Variants in ALB observed in about 807,000 individuals in gnomAD.
ALB encodes albumin.
In ALB, 37 loss-of-function variants were observed where a neutral mutation model predicts 74.5. That is an observed-to-expected ratio of 0.50 (90% CI 0.38 to 0.65). The LOEUF is 0.65. ALB is among the 30% of genes least tolerant of loss of function. ALB has a pLI of 0.00. For missense variants in ALB, 685 were observed against 718.7 expected (o/e 0.95, Z 0.54); for synonymous variants, 249 against 251.6 (o/e 0.99, Z 0.10).
At chr4:73,411,566 G>A (rs922001808) in intron 6 of ALB, among the ~76,000 whole-genome samples, 4 of 152,174 alleles carry the variant, frequency 2.6e-5, no homozygotes, top group Non-Finnish European at 5.9e-5. Context: ...GCTTTTGTAT[G>A]TATTATCTAA....
At chr4:73,410,482 T>A in intron 6 of ALB, 73 bp downstream of exon 6, 1 of 1,171,786 alleles carries the variant, frequency 8.5e-7, no homozygotes, top group Non-Finnish European at 1.3e-6. Context: ...AAATTGTACA[T>A]TTTTATGTAT....
chr4:73,419,405 A>G (rs913727023), intron 12 of ALB, 102 bp from the exon 13 acceptor site: 51 of 1,345,222 alleles, frequency 3.8e-5, no homozygotes, highest in Non-Finnish European at 4.9e-5. Context: ...TCCAAGATTT[A>G]TAATCTTAAA....
chr4:73,412,169 G>A (rs1718894972), intron 7 of ALB, 44 bp downstream of exon 7: 1 of 1,612,380 alleles, frequency 6.2e-7, no homozygotes, highest in South Asian at 1.1e-5. Context: ...GCATGCTCAA[G>A]TTGGTAGAAT....
rs1175661267 is a variant in ALB, at chr4:73,408,772, C to A, written c.449C>A (p.Ala150Asp). Residue 150 changes from alanine to aspartate, a missense_variant, in exon 4 of 15, where the codon GCT becomes GAT. Transcript: ENST00000295897. The part of the protein sequence containing the change: ...VRPEVDVMCT[A>D]FHDNEETFLK... ...CCAGAGGTTGATGTGATGTGCACTG[C>A]TTTTCATGACAATGAAGAGACATTT... 1 of 1,613,790 alleles carries A rather than the reference C, an allele frequency of 6.2e-7. No homozygotes were observed. Among genetic ancestry groups the A allele is most frequent in the East Asian group, 2.2e-5 (1 of 44,868 alleles).
intron 5 of ALB, 97 bp downstream of exon 5, chr4:73,409,584 C>T (rs1364902461): frequency 2.4e-5 from 35 of 1,461,770 alleles, no homozygotes; most frequent in Non-Finnish European, 3.3e-5. Flanking sequence ...CTGATACAAA[C>T]TTTCCGACAT....
intron 4 of ALB, chr4:73,409,090 T>C: frequency 1.7e-6 from 1 of 580,782 alleles, no homozygotes; most frequent in East Asian, 2.9e-5. Context: ...TATATGGTTG[T>C]TATAATTGAT....
Position 73,412,101 on chromosome 4 carries a change from TC to T in ALB, c.820del (p.Leu274CysfsTer26). On this transcript the variant is annotated frameshift_variant, in exon 7 of 15. Transcript: ENST00000295897. LOFTEE classifies it high-confidence loss of function. ...TCCACACGGAATGCTGCCATGGAGA[TC>T]TGCTTGAATGTGCTGATGACAGGGT... ...KVHTECCHGD[L>X]LECADDRADL... 6.2e-7 allele frequency: 1 copy of T among 1,614,128 alleles called. No homozygotes were observed. The highest frequency in any genetic ancestry group is 8.5e-7 in the Non-Finnish European group (1 of 1,180,010).
chr4:73,411,885 T>A, intron 6 of ALB, 111 bp from the exon 7 acceptor site: 1 of 1,386,684 alleles, frequency 7.2e-7, no homozygotes. Context: ...ATTTTAAAAA[T>A]TATTTCTGTA....
chr4:73,420,905 T>C, intron 14 of ALB, 187 bp from the exon 15 acceptor site: 1 of 482,292 alleles, frequency 2.1e-6, no homozygotes, highest in Non-Finnish European at 3.7e-6. Context: ...ACAACATTTA[T>C]TGGTGTGTCC....
intron 7 of ALB, 61 bp downstream of exon 7, chr4:73,412,186 G>A (rs548381226): frequency 1.0e-4 from 164 of 1,600,800 alleles, no homozygotes; most frequent in South Asian, 9.4e-4. Flanking sequence ...GAATGGATGC[G>A]TTTGGTATCA....
Position 73,409,362 on chromosome 4 carries a change from T to C in ALB, c.490T>C (p.Tyr164His), listed in dbSNP as rs746580360. ...NEETFLKKYL[Y>H]EIARRHPYFY... ...TTCTTTTTCAAAATTTAGATACTTA[T>C]ATGAAATTGCCAGAAGACATCCTTA... Residue 164 changes from tyrosine (Y) to histidine (H), a missense_variant, in exon 5 of 15, where the codon TAT becomes CAT. Physicochemically the swap from Tyr to His is moderately conservative, Grantham distance 83 (BLOSUM62 2). Transcript: ENST00000295897. The C allele has an allele frequency of 5.0e-6, 8 of 1,613,604 alleles. No individual in the cohort carries two copies. The highest frequency in any genetic ancestry group is 1.3e-5 in the African/African-American group (1 of 74,932).
intron 6 of ALB, among the ~76,000 whole-genome samples, chr4:73,411,426 A>G (rs550310158): frequency 1.3e-5 from 2 of 152,226 alleles, no homozygotes; most frequent in Non-Finnish European, 2.9e-5. Flanking sequence ...AAGTAAGATC[A>G]ATAAAAACTC....
At chr4:73,416,923 A>G (rs1719027563) in intron 10 of ALB, among the ~76,000 whole-genome samples, 1 of 152,182 alleles carries the variant, frequency 6.6e-6, no homozygotes, top group Admixed American at 6.5e-5. Flanking sequence ...AAACAAGAAG[A>G]GACATATTAT....
At chr4:73,415,221 G>GA in intron 9 of ALB, 54 bp downstream of exon 9, 1 of 1,594,044 alleles carries the variant, frequency 6.3e-7, no homozygotes, top group South Asian at 1.1e-5. Context: ...TTCCAATAAT[G>GA]AGAAAGAAAA....
chr4:73,411,319 T>C (rs900527858), intron 6 of ALB, among the ~76,000 whole-genome samples: 9 of 152,170 alleles, frequency 5.9e-5, no homozygotes, highest in Non-Finnish European at 1.0e-4. Context: ...CACCTTTACC[T>C]GATTTAGGCA....
Position 73,408,657 on chromosome 4 carries a change from G to A in ALB, c.334G>A (p.Ala112Thr). The A allele has an allele frequency of 1.2e-6, 2 of 1,614,030 alleles. No individual in the cohort carries two copies. The highest frequency in any genetic ancestry group is 1.7e-6 in the Non-Finnish European group (2 of 1,179,944). ...TCTTCGTGAAACCTATGGTGAAATG[G>A]CTGACTGCTGTGCAAAACAAGAACC... ...ATLRETYGEM[A>T]DCCAKQEPER... The change falls in exon 4 of 15, where the codon GCT (alanine) becomes ACT (threonine). Residue 112 changes from alanine to threonine, a missense_variant. Physicochemically the swap from Ala to Thr is moderately conservative, Grantham distance 58 (BLOSUM62 0). Coordinates refer to ENST00000295897, the MANE Select transcript of ALB (RefSeq NM_000477.7).
intron 14 of ALB, chr4:73,420,858 C>T: frequency 2.4e-6 from 1 of 410,730 alleles, no homozygotes; most frequent in Admixed American, 4.3e-5. Context: ...TCCAATTTGT[C>T]AACATGCTGA....
chr4:73,418,837 G>A (rs1719080408), intron 12 of ALB, among the ~76,000 whole-genome samples: 1 of 152,134 alleles, frequency 6.6e-6, no homozygotes, highest in African/African-American at 2.4e-5. Flanking sequence ...ATAGAAAGTT[G>A]CTGTCATCTC....
chr4:73,418,865 C>T (rs571660301), intron 12 of ALB, among the ~76,000 whole-genome samples: 10 of 152,200 alleles, frequency 6.6e-5, no homozygotes, highest in East Asian at 3.9e-4. Flanking sequence ...CTGTAATCAT[C>T]GTCTAGGCTT....
Sources: gnomAD v4.1 joint callset for allele counts (sites outside exome capture counted in the v4.1 genomes callset) on GRCh38, gnomAD v4.1.1 for gene constraint, MANE v1.5 for transcripts, NCBI Gene and HGNC (gene_info 2026-07-23, HGNC 2026-07-21) for gene names.